HBP1: variants seen among roughly 807,000 people sequenced by gnomAD.
The protein encoded by HBP1 is HMG box-containing protein 1.
A neutral mutation model predicts 62.6 loss-of-function variants in HBP1; 20 were observed. That is an observed-to-expected ratio of 0.32 (90% CI 0.22 to 0.46). The LOEUF (loss-of-function observed/expected upper bound fraction) is 0.46. HBP1 is among the 20% of genes least tolerant of loss of function. The pLI is 1.00. For synonymous variants in HBP1, 232 were observed against 206.2 expected (o/e 1.12, Z -1.07); for missense variants, 480 against 611.8 (o/e 0.78, Z 2.27).
intron 3 of HBP1, 99 bp from the exon 4 acceptor site, chr7:107,185,702 G>A (rs529141869): frequency 1.2e-6 from 1 of 867,382 alleles, no homozygotes; most frequent in African/African-American, 1.7e-5. Context: ...TGTGTTCAAT[G>A]TAATAACATT....
At position 107,196,046 on chromosome 7, in the gene HBP1, G is replaced by A; in HGVS notation, c.1280G>A (p.Ser427Asn). The A allele has an allele frequency of 6.2e-7, 1 of 1,613,182 alleles. No homozygotes were observed. The highest frequency in any genetic ancestry group is 8.5e-7 in the Non-Finnish European group (1 of 1,179,132). ...AAAAACCACAGCTCAGGGACTGTGA[G>A]TGCCACTTCTCCTAATAAGTGCAAA... ...AVKNHSSGTV[S>N]ATSPNKCKRP... Residue 427 changes from serine to asparagine, a missense_variant, in exon 9 of 11, where the codon AGT becomes AAT. Transcript: ENST00000222574.
chr7:107,188,155 C>T (rs554814664), intron 6 of HBP1, among the ~76,000 whole-genome samples: 5 of 152,238 alleles, frequency 3.3e-5, no homozygotes, highest in Admixed American at 2.0e-4. Flanking sequence ...TTTGTAATTT[C>T]GTTATTTGCC....
chr7:107,197,559 G>GT (rs1797981640), intron 9 of HBP1, among the ~76,000 whole-genome samples: 1 of 152,006 alleles, frequency 6.6e-6, no homozygotes, highest in Admixed American at 6.6e-5. Context: ...TAGTAGACAT[G>GT]GGGTTTCACT....
chr7:107,197,402 A>T (rs1300228186), intron 9 of HBP1, among the ~76,000 whole-genome samples: 2 of 152,116 alleles, frequency 1.3e-5, no homozygotes, highest in Non-Finnish European at 2.9e-5. Flanking sequence ...GCGGAGTCTC[A>T]CTGTCATCCA....
chr7:107,169,698 G>A (rs1012606399), intron 1 of HBP1: 6 of 977,042 alleles, frequency 6.1e-6, no homozygotes, highest in Middle Eastern at 5.3e-4. Context: ...GAGCCGCTGG[G>A]CCCCGGGGCT....
intron 10 of HBP1, chr7:107,200,548 A>AT (rs1761651690): frequency 6.2e-6 from 2 of 322,388 alleles, no homozygotes; most frequent in African/African-American, 4.3e-5. Context: ...TGTTCTAAAC[A>AT]TTGAGTTGGA....
chr7:107,177,410 T>C (rs1271146765), intron 1 of HBP1, among the ~76,000 whole-genome samples: 3 of 152,234 alleles, frequency 2.0e-5, no homozygotes, highest in Non-Finnish European at 4.4e-5. Context: ...TTGAGGGATA[T>C]AGGCAGATAG....
intron 1 of HBP1, among the ~76,000 whole-genome samples, chr7:107,171,067 A>ATTTTTTTTTTTTTTTTT (rs1395508929): frequency 3.0e-5 from 2 of 66,666 alleles, no homozygotes; most frequent in African/African-American, 2.8e-4. Flanking sequence ...ATATATATAT[A>ATTTTTTTTTTTTTTTTT]TATATATTTT....
rs1204783725 is a variant in HBP1, at chr7:107,182,463, C to A, written c.260C>A (p.Pro87Gln). 3 of 1,612,566 alleles carry A rather than the reference C, an allele frequency of 1.9e-6. No individual in the cohort carries two copies. Among genetic ancestry groups the A allele is most frequent in the Non-Finnish European group, 1.7e-6 (2 of 1,178,620 alleles). ...LSSDVSHQEYPRSSWNQNTSD... is the reference protein window; with the variant it reads ...LSSDVSHQEYQRSSWNQNTSD... ...TCAGATGTTTCACATCAAGAATACC[C>A]AAGATCATCTTGGAACCAAAATACC... Residue 87 changes from proline (P) to glutamine (Q), a missense_variant, in exon 3 of 11, where the codon CCA (proline) becomes CAA (glutamine). Around this residue, in one of 4 missense-constraint regions of HBP1, gnomAD observed 304 missense variants for 330.9 expected, o/e 0.92. Coordinates refer to ENST00000222574, the MANE Select transcript of HBP1 (RefSeq NM_012257.4).
intron 6 of HBP1, 91 bp from the exon 7 acceptor site, chr7:107,189,201 C>G (rs1026800179): frequency 3.7e-6 from 4 of 1,090,878 alleles, no homozygotes; most frequent in Non-Finnish European, 5.3e-6. Flanking sequence ...GTTATTTTTA[C>G]CTTTTCCACA....
At chr7:107,175,469 G>A (rs1416485727) in intron 1 of HBP1, among the ~76,000 whole-genome samples, 1 of 152,054 alleles carries the variant, frequency 6.6e-6, no homozygotes, top group East Asian at 1.9e-4. Flanking sequence ...TGATTTCAGA[G>A]CCCCTATTCT....
At chr7:107,186,313 G>A (rs1448558635) in intron 4 of HBP1, 48 bp from the exon 5 acceptor site, 2 of 1,088,994 alleles carry the variant, frequency 1.8e-6, no homozygotes, top group Admixed American at 1.9e-5. Flanking sequence ...ATATTAAAAG[G>A]TATATTTTAA....
At chr7:107,198,590 A>T (rs998725864) in intron 9 of HBP1, among the ~76,000 whole-genome samples, 2 of 152,208 alleles carry the variant, frequency 1.3e-5, no homozygotes, top group Admixed American at 1.3e-4. Context: ...GAGGGCCATC[A>T]GATATCACCT....
At chr7:107,200,443 T>G in intron 10 of HBP1, 142 bp downstream of exon 10, 1 of 532,252 alleles carries the variant, frequency 1.9e-6, no homozygotes, top group South Asian at 3.7e-5. Flanking sequence ...CTAATAATGT[T>G]ATCACATCAT....
Position 107,195,933 on chromosome 7 carries a change from A to G in HBP1, c.1167A>G (p.Gln389=). ...TGTCTTGTGGAGGACCTGGTGGTCAAGACTTTGCAAGATCTGGATTCAGTA... is the reference window on the plus strand; with the variant it reads ...TGTCTTGTGGAGGACCTGGTGGTCAGGACTTTGCAAGATCTGGATTCAGTA... ...ASLSCGGPGG[Q]DFARSGFSKN... The change falls in exon 9 of 11, where the codon CAA becomes CAG. Residue 389 remains glutamine, a synonymous_variant. Transcript: ENST00000222574. The G allele has an allele frequency of 1.9e-6, 3 of 1,613,888 alleles. No homozygotes were observed. The highest frequency in any genetic ancestry group is 2.5e-6 in the Non-Finnish European group (3 of 1,179,846).
intron 9 of HBP1, 32 bp from the exon 10 acceptor site, chr7:107,200,128 C>T: frequency 1.3e-6 from 2 of 1,487,516 alleles, no homozygotes; most frequent in South Asian, 2.8e-5. Context: ...AAAATGTGTG[C>T]TTTCAGCATT....
At chr7:107,175,753 G>A (rs1796811069) in intron 1 of HBP1, among the ~76,000 whole-genome samples, 2 of 130,534 alleles carry the variant, frequency 1.5e-5, no homozygotes, top group Non-Finnish European at 3.1e-5. Flanking sequence ...GTCTTGCTCT[G>A]TCGCCCAGGC....
chr7:107,199,099 T>C (rs992841051), intron 9 of HBP1, among the ~76,000 whole-genome samples: 1 of 151,746 alleles, frequency 6.6e-6, no homozygotes, highest in African/African-American at 2.4e-5. Flanking sequence ...TTATTATTTA[T>C]TTTTGAGACA....
chr7:107,181,028 A>C (rs919161639), intron 2 of HBP1, among the ~76,000 whole-genome samples: 1 of 152,194 alleles, frequency 6.6e-6, no homozygotes, highest in East Asian at 1.9e-4. Flanking sequence ...ATGTTGGTCA[A>C]AGGCAGTGAG....
Sources: gnomAD v4.1 joint callset for allele counts (sites outside exome capture counted in the v4.1 genomes callset) on GRCh38, gnomAD v4.1.1 for gene constraint, gnomAD v4.1.1 regional missense constraint, MANE v1.5 for transcripts, NCBI Gene and HGNC (gene_info 2026-07-23, HGNC 2026-07-21) for gene names.